SHOX: variants seen among roughly 807,000 people sequenced by gnomAD.
The protein encoded by SHOX is SHOX homeobox, also known as short stature homeobox protein.
Under a neutral mutation model 29.6 loss-of-function variants are expected in SHOX, and 12 were observed. That is an observed-to-expected ratio of 0.41 (90% CI 0.26 to 0.66). SHOX has a LOEUF of 0.66. Ranked by LOEUF, SHOX falls within the 30% of genes least tolerant of loss-of-function variation. The pLI is 0.35. For missense variants in SHOX, 499 were observed against 437.7 expected (o/e 1.14, Z -1.25); for synonymous variants, 214 against 200.6 (o/e 1.07, Z -0.57).
rs372634110 is a variant in SHOX, at chrX:648,889, C to CTCCTTCCTTCCTTCCTTCCTTCCT, written c.*4274_*4275insCCTTCCTTCCTTCCTTCCTTCCTT. Reference sequence around the variant, plus strand: ...ACCAACGCCCTCTTCTCTCTCCCTTCTCCTTCCTTCCTTCCTTCCTTTCTT... The same window carrying CTCCTTCCTTCCTTCCTTCCTTCCT: ...ACCAACGCCCTCTTCTCTCTCCCTTCTCCTTCCTTCCTTCCTTCCTTCCTTCCTTCCTTCCTTCCTTCCTTTCTT... On this transcript the variant is annotated 3_prime_UTR_variant, in exon 5 of 5. Transcript: ENST00000686671. Among the ~76,000 whole-genome samples the CTCCTTCCTTCCTTCCTTCCTTCCT allele has an allele frequency of 7.0e-6, 1 of 141,852 alleles. No individual in the cohort carries two copies. Among genetic ancestry groups the CTCCTTCCTTCCTTCCTTCCTTCCT allele is most frequent in the African/African-American group, 2.7e-5 (1 of 37,600 alleles). 93.1% of individuals were successfully genotyped at this position (141,852 alleles called of 152,430 possible). A position where few individuals can be genotyped will look rare whatever the true frequency, so the allele number is the denominator to read the frequency against.
chrX:639,667 C>T (rs59729995), intron 2 of SHOX, among the ~76,000 whole-genome samples: 2,474 of 152,328 alleles, frequency 0.016, 77 homozygotes, highest in African/African-American at 0.056. Flanking sequence ...TCAGCGGTAA[C>T]GCATAGGTCT....
chrX:637,129 G>C (rs909659105), intron 2 of SHOX, among the ~76,000 whole-genome samples: 6 of 151,790 alleles, frequency 4.0e-5, no homozygotes, highest in Non-Finnish European at 7.4e-5. Flanking sequence ...TTGGTGACTT[G>C]GAGGAAGGAC....
rs374619213 is a variant in SHOX at position 658,857 on chromosome X, C to A, written c.*28C>A. 4 of 366,658 alleles carry A rather than the reference C, an allele frequency of 1.1e-5. No homozygotes were observed. The Admixed American group carries it at 1.1e-4, about 10-fold the overall frequency. 22.7% of individuals were successfully genotyped at this position (366,658 alleles called of 1,614,324 possible). A position where few individuals can be genotyped will look rare whatever the true frequency, so the allele number is the denominator to read the frequency against. On this transcript the variant is annotated 3_prime_UTR_variant, in exon 6 of 6. Transcript: ENST00000334060. ...TCGACTCACTGCAACCTCCGCCTCC[C>A]GAGTTCAAGCGATTCTCCTGCCTCA...
At chrX:658,961 GA>G (rs1450114429) in exon 6 of SHOX, 2 of 192,548 alleles carry the variant, frequency 1.0e-5, no homozygotes, top group African/African-American at 5.1e-5. Context: ...GATGGGGTTT[GA>G]CCATGTTGGC....
At chrX:644,226 CA>C (rs746327996) in intron 4 of SHOX, 164 bp from the exon 5 acceptor site, 164 of 578,270 alleles carry the variant, frequency 2.8e-4, no homozygotes, top group African/African-American at 2.8e-3. Context: ...AATTCTGGGC[CA>C]GGGGGAAGGA....
chrX:649,860 T>C lies in SHOX; in HGVS notation c.*5224T>C, dbSNP rs1390851255. ...GCCGCAGTTGAGCAAAAAACACTTCTTCCTTTGAGTGGCTGTTCTGGTGAA... is the reference window on the plus strand; with the variant it reads ...GCCGCAGTTGAGCAAAAAACACTTCCTCCTTTGAGTGGCTGTTCTGGTGAA... On this transcript the variant is annotated 3_prime_UTR_variant, in exon 5 of 5. Coordinates refer to ENST00000686671, the MANE Select transcript of SHOX (RefSeq NM_000451.4). 6.6e-6 allele frequency: 3 copies of C among 454,804 alleles called. No individual in the cohort carries two copies. Among genetic ancestry groups the C allele is most frequent in the Non-Finnish European group, 1.3e-5 (3 of 226,264 alleles). 28.2% of individuals were successfully genotyped at this position (454,804 alleles called of 1,614,324 possible).
chrX:629,979 G>C (rs2052617973), upstream of SHOX, among the ~76,000 whole-genome samples: 1 of 152,166 alleles, frequency 6.6e-6, no homozygotes, highest in African/African-American at 2.4e-5. Context: ...GTGACAGCGC[G>C]GCGCTAAGGG....
At chrX:636,740 C>CATATATATACAT (rs1556463648) in intron 2 of SHOX, among the ~76,000 whole-genome samples, 1 of 75,224 alleles carries the variant, frequency 1.3e-5, no homozygotes, top group African/African-American at 6.7e-5. Flanking sequence ...TATATATAAA[C>CATATATATACAT]ATATATATAC....
chrX:652,298 T>C (rs2124215319), downstream of SHOX, among the ~76,000 whole-genome samples: 1 of 151,512 alleles, frequency 6.6e-6, no homozygotes, highest in African/African-American at 2.4e-5. Context: ...AAAAATATAA[T>C]AATAATAAAT....
chrX:633,344 G>A (rs1257571538), intron 1 of SHOX, among the ~76,000 whole-genome samples: 1 of 152,120 alleles, frequency 6.6e-6, no homozygotes, highest in African/African-American at 2.4e-5. Flanking sequence ...GAAGGAGGGA[G>A]AGCTGGGGTC....
At chrX:628,459 A>G (rs774430996), upstream of SHOX, among the ~76,000 whole-genome samples, 6 of 26,106 alleles carry the variant, frequency 2.3e-4, no homozygotes, top group South Asian at 2.2e-3. Context: ...CTCTCTCTCC[A>G]TCTCTCTCTG....
chrX:634,875 C>G (rs1483692098), intron 2 of SHOX, 49 bp downstream of exon 2: 2 of 1,532,106 alleles, frequency 1.3e-6, no homozygotes, highest in Admixed American at 3.9e-5. Context: ...TCGCCTGGTC[C>G]TCGGGAGCGC....
chrX:627,216 A>G (rs1156805922), upstream of SHOX, among the ~76,000 whole-genome samples: 1 of 152,188 alleles, frequency 6.6e-6, no homozygotes, highest in Non-Finnish European at 1.5e-5. Context: ...AACATTTCAT[A>G]CAGTCCACCC....
rs779557567 is a variant in SHOX at position 630,944 on chromosome X, G to A, written c.47G>A (p.Ser16Asn). Reference sequence around the variant, plus strand: ...GTATCCAAGTCTTTTGACCAGAAAAGCAAGGACGGTAACGGCGGAGGCGGA... The same window carrying A: ...GTATCCAAGTCTTTTGACCAGAAAAACAAGGACGGTAACGGCGGAGGCGGA... ...AFVSKSFDQKSKDGNGGGGGG... is the reference protein window; with the variant it reads ...AFVSKSFDQKNKDGNGGGGGG... The change falls in exon 1 of 5, where the codon AGC becomes AAC. Residue 16 changes from serine to asparagine, a missense_variant. Coordinates refer to ENST00000686671, the MANE Select transcript of SHOX (RefSeq NM_000451.4). The A allele has an allele frequency of 1.9e-6, 3 of 1,613,834 alleles. No homozygotes were observed. Among genetic ancestry groups the A allele is most frequent in the Non-Finnish European group, 2.5e-6 (3 of 1,179,844 alleles).
Position 630,887 on chromosome X carries a change from C to CG in SHOX, c.-9dup. 6.2e-7 allele frequency: 1 copy of CG among 1,612,784 alleles called. No homozygotes were observed. The highest frequency in any genetic ancestry group is 1.7e-5 in the Admixed American group (1 of 60,016). The stretch of plus-strand genomic sequence containing the variant: ...ACCAGCCCCGGCTGCTCGCCAGCCC[C>CG]GGCCCCAGCCATGGAAGAGCTCACG... On this transcript the variant is annotated 5_prime_UTR_variant, in exon 1 of 5. Transcript: ENST00000686671.
intron 1 of SHOX, chrX:624,740 T>TC (rs1271192279): frequency 6.7e-6 from 1 of 148,752 alleles, no homozygotes; most frequent in Non-Finnish European, 1.5e-5. Context: ...TTTCTTTCTT[T>TC]TCTTTCTTCC....
intron 2 of SHOX, among the ~76,000 whole-genome samples, chrX:638,198 C>G (rs1603286663): frequency 2.0e-5 from 3 of 152,120 alleles, no homozygotes; most frequent in Non-Finnish European, 4.4e-5. Context: ...TGAATCACTC[C>G]AAGACTGATT....
At chrX:626,528 G>T (rs1451421469), upstream of SHOX, among the ~76,000 whole-genome samples, 12 of 41,450 alleles carry the variant, frequency 2.9e-4, no homozygotes, top group Non-Finnish European at 3.5e-4. Flanking sequence ...GTCTCTCTCT[G>T]TGTCTCTACC....
chrX:631,607 C>T (rs1370764474), intron 1 of SHOX, among the ~76,000 whole-genome samples: 26 of 152,316 alleles, frequency 1.7e-4, no homozygotes, highest in Non-Finnish European at 3.5e-4. Context: ...TCTCGGCTCA[C>T]TGCAACCTCT....
Sources: allele counts gnomAD v4.1 joint callset (sites outside exome capture counted in the v4.1 genomes callset), GRCh38; gene constraint gnomAD v4.1.1; transcripts MANE v1.5; gene names NCBI Gene and HGNC (gene_info 2026-07-23, HGNC 2026-07-21).